DOCK6: variants seen among roughly 807,000 people sequenced by gnomAD.
DOCK6 encodes dedicator of cytokinesis protein 6.
DOCK6 carries 167 observed loss-of-function variants against 230.3 expected under a neutral mutation model. That is an observed-to-expected ratio of 0.73 (90% CI 0.64 to 0.82). The LOEUF (loss-of-function observed/expected upper bound fraction) is 0.82. Among genes scored for constraint, DOCK6 ranks in the 40% least tolerant of loss-of-function variants. The pLI, the probability that DOCK6 is intolerant of heterozygous loss-of-function variation, is 0.00. For missense variants in DOCK6, 2,598 were observed against 2,825.8 expected, an observed-to-expected ratio of 0.92 and a Z score of 1.83; for synonymous variants, 1,148 against 1,185.0, an observed-to-expected ratio of 0.97 and a Z score of 0.64.
chr19:11,233,394 A>G, intron 21 of DOCK6, 28 bp from the exon 22 acceptor site: 1 of 1,602,486 alleles, frequency 6.2e-7, no homozygotes, highest in Non-Finnish European at 8.5e-7. Context: ...AGGGTCAACC[A>G]CCCACCCACC....
Position 11,250,855 on chromosome 19 carries a change from T to G in DOCK6, c.720+19A>C. The G allele has an allele frequency of 6.3e-7, 1 of 1,590,906 alleles. No homozygotes were observed. ...CCCAGTAAATGCTGGTTGGCTGATA[T>G]CTGGGAAGGGGCACCCACCTCGTCA... On this transcript the variant is annotated intron_variant, in intron 6 of 47. Coordinates refer to ENST00000294618, the MANE Select transcript of DOCK6 (RefSeq NM_020812.4).
chr19:11,251,362 T>G, intron 5 of DOCK6: 3 of 391,256 alleles, frequency 7.7e-6, no homozygotes, highest in Non-Finnish European at 9.5e-6. Context: ...AAAACACATC[T>G]ACCCACCCTA....
chr19:11,200,238 C>A lies in DOCK6; in HGVS notation c.6101+70G>T. 2.0e-6 allele frequency: 3 copies of A among 1,480,940 alleles called. No individual in the cohort carries two copies. The highest frequency in any genetic ancestry group is 2.7e-6 in the Non-Finnish European group (3 of 1,101,988). 91.7% of individuals were successfully genotyped at this position (1,480,940 alleles called of 1,614,324 possible). On this transcript the variant is annotated intron_variant, in intron 47 of 47. Transcript: ENST00000294618. This position sits in a 1 kb window ranked among gnomAD's most constrained non-coding sequence, Gnocchi z 4.3. ...TGTGTATGTGTACAACAGCCCCCAT[C>A]CTGTACCTGTCCTGGTCTGCCTCTG... is the stretch of plus-strand genomic sequence containing the variant.
chr19:11,254,954 G>T (rs1390849501), intron 1 of DOCK6, among the ~76,000 whole-genome samples: 2 of 152,188 alleles, frequency 1.3e-5, no homozygotes, highest in Non-Finnish European at 2.9e-5. Context: ...GTGAAGGCAG[G>T]AGCTAGGGCT....
intron 24 of DOCK6, among the ~76,000 whole-genome samples, chr19:11,225,894 A>T (rs1040763332): frequency 5.0e-5 from 7 of 141,264 alleles, no homozygotes; most frequent in African/African-American, 1.4e-4. Context: ...AAAAAAAAAA[A>T]TTGCCAAGTA....
chr19:11,202,202 T>A lies in DOCK6; in HGVS notation c.5452-77A>T. On this transcript the variant is annotated intron_variant, in intron 43 of 47. Transcript: ENST00000294618. This position sits in a 1 kb window ranked among gnomAD's most constrained non-coding sequence, Gnocchi z 5.3. ...AAGCCCTGTTCCTGGAGAGAGGGGATCTGGGGACTTTGTCATTTCCAAGTC... is the reference window on the plus strand; with the variant it reads ...AAGCCCTGTTCCTGGAGAGAGGGGAACTGGGGACTTTGTCATTTCCAAGTC... 6.7e-7 allele frequency: 1 copy of A among 1,496,804 alleles called. No homozygotes were observed. The highest frequency in any genetic ancestry group is 9.2e-7 in the Non-Finnish European group (1 of 1,087,028). 92.7% of individuals were successfully genotyped at this position (1,496,804 alleles called of 1,614,324 possible).
intron 6 of DOCK6, among the ~76,000 whole-genome samples, 182 bp downstream of exon 6, chr19:11,250,692 G>A (rs1219831901): frequency 6.6e-6 from 1 of 152,280 alleles, no homozygotes; most frequent in East Asian, 1.9e-4. Context: ...TATAGTAGGT[G>A]TCCACATATA....
At position 11,216,595 on chromosome 19, in the gene DOCK6, G is replaced by C. The variant is rs543110898; in HGVS notation, c.3894+319C>G. ...GCTATTATTTTGTATTTTTAGTAGA[G>C]ACGGGGTTTCAGTATGTTGGCCAGA... is the stretch of plus-strand genomic sequence containing the variant. On this transcript the variant is annotated intron_variant, in intron 30 of 47. Coordinates refer to ENST00000294618, the MANE Select transcript of DOCK6 (RefSeq NM_020812.4). 351 of 293,160 alleles carry C rather than the reference G, an allele frequency of 1.2e-3. 1 individual carries two copies. Among genetic ancestry groups the C allele is most frequent in the African/African-American group, 7.1e-3 (322 of 45,096 alleles). 18.2% of individuals were successfully genotyped at this position (293,160 alleles called of 1,614,324 possible). A position where few individuals can be genotyped will look rare whatever the true frequency, so the allele number is the denominator to read the frequency against.
In DOCK6 at chr19:11,262,377, G is replaced by A. The variant is rs894903533; in HGVS notation, c.44+20C>T. The A allele has an allele frequency of 3.9e-6, 5 of 1,273,122 alleles. No homozygotes were observed. Among genetic ancestry groups the A allele is most frequent in the African/African-American group, 1.5e-5 (1 of 65,150 alleles). 78.9% of individuals were successfully genotyped at this position (1,273,122 alleles called of 1,614,324 possible). A position where few individuals can be genotyped will look rare whatever the true frequency, so the allele number is the denominator to read the frequency against. Reference sequence around the variant, plus strand: ...CGGGCCACGTGGGGGAGGTGGGAGGGGGCCCCGCGGCCACACTACCTGTTG... The same window carrying A: ...CGGGCCACGTGGGGGAGGTGGGAGGAGGCCCCGCGGCCACACTACCTGTTG... On this transcript the variant is annotated intron_variant, in intron 1 of 47. Transcript: ENST00000294618.
chr19:11,219,875 A>G (rs959064753), intron 28 of DOCK6, among the ~76,000 whole-genome samples: 1 of 152,106 alleles, frequency 6.6e-6, no homozygotes, highest in Non-Finnish European at 1.5e-5. Flanking sequence ...GGACGAAGAA[A>G]TTGAGGTACA....
At chr19:11,211,930 C>T in intron 36 of DOCK6, 54 bp from the exon 37 acceptor site, 3 of 1,573,700 alleles carry the variant, frequency 1.9e-6, no homozygotes, top group Non-Finnish European at 2.6e-6. Flanking sequence ...GTGAAGGGAG[C>T]CAAGGTGGTG....
intron 22 of DOCK6, chr19:11,232,199 C>T (rs1426529534): frequency 5.4e-6 from 7 of 1,287,522 alleles, no homozygotes; most frequent in African/African-American, 1.5e-5. Flanking sequence ...CTGGGGTCGG[C>T]CCCACAATAA....
Position 11,217,017 on chromosome 19 carries a change from G to T in DOCK6, c.3791C>A (p.Thr1264Asn). ...CCAGCGCTGCAGGAGCGCCGGCTCGGTGTTTTTCAGCACCCACAGCACACA... is the reference window on the plus strand; with the variant it reads ...CCAGCGCTGCAGGAGCGCCGGCTCGTTGTTTTTCAGCACCCACAGCACACA... ...LACVLWVLKN[T>N]EPALLQRWAT... Residue 1264 changes from threonine (T) to asparagine (N), a missense_variant, in exon 30 of 48, where the codon ACC becomes AAC. Physicochemically the swap from Thr to Asn is moderately conservative, Grantham distance 65. Transcript: ENST00000294618. The T allele has an allele frequency of 6.2e-7, 1 of 1,613,678 alleles. No individual in the cohort carries two copies. Among genetic ancestry groups the T allele is most frequent in the Non-Finnish European group, 8.5e-7 (1 of 1,179,902 alleles).
Position 11,245,590 on chromosome 19 carries a change from G to A in DOCK6, c.996C>T (p.Pro332=). ...TGATGACCAGGAAGATGTCAGGTGA[G>A]GGGTAGGTCACAGAGAAGATGGCAG... The part of the protein sequence containing the change: ...ARSAIFSVTY[P]SPDIFLVIKL... Residue 332 remains proline, a synonymous_variant, in exon 9 of 48, where the codon CCC becomes CCT. Transcript: ENST00000294618. 6.4e-7 allele frequency: 1 copy of A among 1,566,622 alleles called. No homozygotes were observed. Among genetic ancestry groups the A allele is most frequent in the Non-Finnish European group, 8.7e-7 (1 of 1,155,716 alleles).
intron 23 of DOCK6, 133 bp from the exon 24 acceptor site, chr19:11,227,610 T>C: frequency 9.1e-7 from 1 of 1,101,628 alleles, no homozygotes; most frequent in East Asian, 2.7e-5. Flanking sequence ...GGGCTGTGGG[T>C]GGAGGAGGCT....
intron 23 of DOCK6, 177 bp downstream of exon 23, chr19:11,228,763 C>T (rs906642033): frequency 2.1e-5 from 11 of 534,226 alleles, no homozygotes; most frequent in Middle Eastern, 1.0e-3. Flanking sequence ...GGGGTTTCAC[C>T]GTGTTAGCCA....
intron 1 of DOCK6, among the ~76,000 whole-genome samples, chr19:11,259,129 G>C (rs1418084363): frequency 3.3e-5 from 5 of 152,056 alleles, no homozygotes; most frequent in Non-Finnish European, 5.9e-5. Context: ...ACGGCTCACT[G>C]CAGCCTCAAC....
At position 11,246,302 on chromosome 19, in the gene DOCK6, C is replaced by T. The variant is rs138674829; in HGVS notation, c.807-424G>A. On this transcript the variant is annotated intron_variant, in intron 7 of 47. Coordinates refer to ENST00000294618, the MANE Select transcript of DOCK6 (RefSeq NM_020812.4). ...TATTTATTATATAGAGACGGGGTCTCGCTGTGTTGCCCAGGCTGGTCTCAA... is the reference window on the plus strand; with the variant it reads ...TATTTATTATATAGAGACGGGGTCTTGCTGTGTTGCCCAGGCTGGTCTCAA... Among the ~76,000 whole-genome samples the T allele has an allele frequency of 3.4e-3, 510 of 152,238 alleles. 5 individuals are homozygous for T. The highest frequency in any genetic ancestry group is 0.011 in the African/African-American group (474 of 41,544).
At chr19:11,255,847 C>A (rs564936728) in intron 1 of DOCK6, among the ~76,000 whole-genome samples, 1 of 152,106 alleles carries the variant, frequency 6.6e-6, no homozygotes, top group Non-Finnish European at 1.5e-5. Flanking sequence ...AGTGCAGTGG[C>A]GCAATCTCGG....
Sources: allele counts gnomAD v4.1 joint callset (sites outside exome capture counted in the v4.1 genomes callset), GRCh38; gene constraint gnomAD v4.1.1; non-coding constraint Gnocchi (gnomAD v3.1); transcripts MANE v1.5; gene names NCBI Gene and HGNC (gene_info 2026-07-23, HGNC 2026-07-21).